Variants in TGFBR3 observed in about 807,000 individuals in gnomAD.
TGFBR3 encodes the protein transforming growth factor beta receptor 3.
In TGFBR3, 46 loss-of-function variants were observed where a neutral mutation model predicts 87.9. That is an observed-to-expected ratio of 0.52 (90% CI 0.41 to 0.67). The LOEUF is 0.67. TGFBR3 is among the 30% of genes least tolerant of loss of function. The pLI is 0.00. For synonymous variants in TGFBR3, 381 were observed against 391.6 expected, an observed-to-expected ratio of 0.97 and a Z score of 0.32; for missense variants, 866 against 1,041.9, an observed-to-expected ratio of 0.83 and a Z score of 2.32.
At position 91,683,260 on chromosome 1, in the gene TGFBR3, A is replaced by C. The variant is rs1670972172; in HGVS notation, c.*479T>G. Reference sequence around the variant, plus strand: ...AATTAGACAGGAGGATCGCTTAGAAAGCCTCAAAGCATTTCTTGTTTTACA... The same window carrying C: ...AATTAGACAGGAGGATCGCTTAGAACGCCTCAAAGCATTTCTTGTTTTACA... On this transcript the variant is annotated 3_prime_UTR_variant, in exon 17 of 17. Coordinates refer to ENST00000212355, the MANE Select transcript of TGFBR3 (RefSeq NM_003243.5). 1 of 455,148 alleles carries C rather than the reference A, an allele frequency of 2.2e-6. No individual in the cohort carries two copies. The highest frequency in any genetic ancestry group is 4.4e-6 in the Non-Finnish European group (1 of 227,342). 28.2% of individuals were successfully genotyped at this position (455,148 alleles called of 1,614,324 possible).
At chr1:91,696,352 TCTC>T (rs1343307359) in intron 15 of TGFBR3, among the ~76,000 whole-genome samples, 5 of 152,240 alleles carry the variant, frequency 3.3e-5, no homozygotes, top group African/African-American at 4.8e-5. Flanking sequence ...ATTTCACCGA[TCTC>T]CTCATATTAA....
chr1:91,683,776 G>T lies in TGFBR3; in HGVS notation c.2519C>A (p.Thr840Lys). 2 of 1,602,612 alleles carry T rather than the reference G, an allele frequency of 1.2e-6. No homozygotes were observed. Among genetic ancestry groups the T allele is most frequent in the Non-Finnish European group, 1.7e-6 (2 of 1,176,194 alleles). Residue 840 changes from threonine to lysine, a missense_variant, in exon 17 of 17, where the codon ACG (threonine) becomes AAG (lysine). Transcript: ENST00000212355. ...NSSAAHSIGS[T>K]QSTPCSSSST... Reference sequence around the variant, plus strand: ...GCTGCTGGAGCAAGGCGTGCTCTGCGTGCTGCCGATGCTGTGGGCAGCACT... The same window carrying T: ...GCTGCTGGAGCAAGGCGTGCTCTGCTTGCTGCCGATGCTGTGGGCAGCACT...
chr1:91,694,956 G>C (rs1430290917), intron 16 of TGFBR3, among the ~76,000 whole-genome samples: 10 of 152,112 alleles, frequency 6.6e-5, no homozygotes, highest in African/African-American at 2.4e-4. Context: ...TTGCACTAAA[G>C]ACTCCCTTTG....
intron 2 of TGFBR3, among the ~76,000 whole-genome samples, chr1:91,803,327 G>T (rs1411705907): frequency 6.6e-6 from 1 of 152,284 alleles, no homozygotes; most frequent in South Asian, 2.1e-4. Context: ...TCCCAATCCC[G>T]CTAGCAGCTG....
chr1:91,681,202 C>A lies in TGFBR3; in HGVS notation c.*2537G>T. 2.2e-6 allele frequency: 1 copy of A among 452,480 alleles called. No individual in the cohort carries two copies. The highest frequency in any genetic ancestry group is 4.4e-6 in the Non-Finnish European group (1 of 226,052). 28.0% of individuals were successfully genotyped at this position (452,480 alleles called of 1,614,324 possible). A position where few individuals can be genotyped will look rare whatever the true frequency, so the allele number is the denominator to read the frequency against. The stretch of plus-strand genomic sequence containing the variant: ...TGTATTAAAACTGTAAAGTGTGAAG[C>A]AATTAGAAATACTGTAATGAGAAGC... On this transcript the variant is annotated 3_prime_UTR_variant, in exon 17 of 17. Transcript: ENST00000212355.
intron 2 of TGFBR3, among the ~76,000 whole-genome samples, chr1:91,896,971 T>A (rs961953286): frequency 1.3e-5 from 2 of 151,992 alleles, no homozygotes; most frequent in Non-Finnish European, 2.9e-5. Flanking sequence ...AACTTTTTTT[T>A]AAATTAAAAA....
intron 1 of TGFBR3, among the ~76,000 whole-genome samples, chr1:91,875,479 A>C (rs929347234): frequency 2.6e-5 from 4 of 152,112 alleles, no homozygotes; most frequent in African/African-American, 9.7e-5. Context: ...GCACAGAAAT[A>C]TGAGCAACTC....
intron 10 of TGFBR3, among the ~76,000 whole-genome samples, chr1:91,717,039 T>C (rs568759566): frequency 7.1e-4 from 108 of 152,360 alleles, no homozygotes; most frequent in African/African-American, 2.3e-3. Flanking sequence ...TGGAGTTGAA[T>C]GGAGTTGTCA....
upstream of TGFBR3, among the ~76,000 whole-genome samples, chr1:91,888,574 C>A (rs1256281112): frequency 6.6e-6 from 1 of 152,086 alleles, no homozygotes; most frequent in Non-Finnish European, 1.5e-5. Flanking sequence ...TGGTGGCGGG[C>A]ACCTGTAATC....
chr1:91,743,139 A>G (rs1673215443), intron 4 of TGFBR3, among the ~76,000 whole-genome samples: 1 of 152,062 alleles, frequency 6.6e-6, no homozygotes, highest in Admixed American at 6.5e-5. Flanking sequence ...CACAGACACC[A>G]TTTTCCTGGC....
At chr1:91,875,642 T>C (rs1031977743) in intron 1 of TGFBR3, among the ~76,000 whole-genome samples, 2 of 151,224 alleles carry the variant, frequency 1.3e-5, no homozygotes, top group Non-Finnish European at 3.0e-5. Flanking sequence ...ATTCCCAGCA[T>C]TTTGGGAGGC....
intron 2 of TGFBR3, among the ~76,000 whole-genome samples, chr1:91,799,439 G>GCTGCCCTCATC (rs1675518433): frequency 1.3e-5 from 2 of 152,174 alleles, no homozygotes; most frequent in Non-Finnish European, 2.9e-5. Context: ...TGCTCCCTCT[G>GCTGCCCTCATC]CTGCCCTCAT....
At chr1:91,729,725 GC>G in intron 6 of TGFBR3, 79 bp downstream of exon 6, 1 of 1,533,790 alleles carries the variant, frequency 6.5e-7, no homozygotes. Context: ...TGTAGGACGG[GC>G]TACACCTCTC....
At chr1:91,896,091 C>T (rs1369215349) in intron 2 of TGFBR3, among the ~76,000 whole-genome samples, 2 of 152,190 alleles carry the variant, frequency 1.3e-5, no homozygotes, top group Non-Finnish European at 2.9e-5. Flanking sequence ...CACACACACT[C>T]ATCCAGTACC....
intron 4 of TGFBR3, among the ~76,000 whole-genome samples, chr1:91,743,525 A>ATTTTATTTTATTTTATTT (rs1352949812): frequency 1.3e-5 from 2 of 152,198 alleles, no homozygotes; most frequent in African/African-American, 2.4e-5. Flanking sequence ...AACTCACTTT[A>ATTTTATTTTATTTTATTT]CATTTTATTT....
intron 16 of TGFBR3, chr1:91,695,467 C>CACAA (rs3038544): frequency 0.14 from 80,984 of 577,396 alleles, 6,460 homozygotes; most frequent in East Asian, 0.24. Flanking sequence ...TCGCAATTAG[C>CACAA]ACAGTTTAAA....
At chr1:91,872,047 A>G (rs576881424) in intron 1 of TGFBR3, among the ~76,000 whole-genome samples, 5 of 152,310 alleles carry the variant, frequency 3.3e-5, no homozygotes, top group South Asian at 2.1e-4. Flanking sequence ...TTTATTTTCA[A>G]TGTGATACCT....
At chr1:91,728,283 A>G (rs998584014) in intron 6 of TGFBR3, among the ~76,000 whole-genome samples, 1 of 152,148 alleles carries the variant, frequency 6.6e-6, no homozygotes, top group Non-Finnish European at 1.5e-5. Flanking sequence ...AAAAATTAGG[A>G]AACTTCAGAG....
At position 91,683,463 on chromosome 1, in the gene TGFBR3, C is replaced by T. The variant is rs1670980414; in HGVS notation, c.*276G>A. On this transcript the variant is annotated 3_prime_UTR_variant, in exon 17 of 17. Coordinates refer to ENST00000212355, the MANE Select transcript of TGFBR3 (RefSeq NM_003243.5). ...GGCATGTGTTTCACATTGAAAACCC[C>T]CAAGCCTGTGAGGGGCTGGTGGAGA... 1.5e-6 allele frequency: 1 copy of T among 651,340 alleles called. No homozygotes were observed. Among genetic ancestry groups the T allele is most frequent in the Non-Finnish European group, 2.8e-6 (1 of 354,058 alleles). The allele number at this position is 651,340 out of a possible 1,614,324, so 40.3% of individuals were successfully genotyped here.
Sources: gnomAD v4.1 joint callset for allele counts (sites outside exome capture counted in the v4.1 genomes callset) on GRCh38, gnomAD v4.1.1 for gene constraint, MANE v1.5 for transcripts, NCBI Gene and HGNC (gene_info 2026-07-23, HGNC 2026-07-21) for gene names.